The following PIK3R3 variants were observed in gnomAD, a reference collection of about 807,000 sequenced individuals.
PIK3R3 encodes phosphoinositide-3-kinase regulatory subunit 3, also known as phosphatidylinositol 3-kinase regulatory subunit gamma.
In PIK3R3, 64 loss-of-function variants were observed where a neutral mutation model predicts 62.9. The ratio of observed to expected loss-of-function variants is 1.02; its 90% CI spans 0.83 to 1.25. The LOEUF (loss-of-function observed/expected upper bound fraction) is 1.25. Among genes scored for constraint, PIK3R3 ranks in the 50% most tolerant of loss-of-function variants. The pLI, the probability that PIK3R3 is intolerant of heterozygous loss-of-function variation, is 0.00. For synonymous variants in PIK3R3, 165 were observed against 189.0 expected, an observed-to-expected ratio of 0.87 and a Z score of 1.04; for missense variants, 614 against 561.6, an observed-to-expected ratio of 1.09 and a Z score of -0.94.
At position 46,046,654 on chromosome 1, in the gene PIK3R3, A is replaced by T. The variant is rs557305913; in HGVS notation, c.942-29T>A. 3 of 1,515,670 alleles carry T rather than the reference A, an allele frequency of 2.0e-6. No homozygotes were observed. The East Asian group carries it at 6.8e-5, about 34-fold the overall frequency. 93.9% of individuals were successfully genotyped at this position (1,515,670 alleles called of 1,614,324 possible). A position where few individuals can be genotyped will look rare whatever the true frequency, so the allele number is the denominator to read the frequency against. On this transcript the variant is annotated intron_variant, in intron 7 of 9. Transcript: ENST00000262741. ...CCAGAGGAAAGACACCAGTGTCAGT[A>T]TCCATGCAAACTCTGACTGGACAAA...
intron 2 of PIK3R3, among the ~76,000 whole-genome samples, chr1:46,080,222 C>G (rs1334500225): frequency 2.0e-5 from 3 of 151,604 alleles, no homozygotes; most frequent in Non-Finnish European, 4.4e-5. Flanking sequence ...CCAACATGCC[C>G]AGCTAATTTT....
intron 3 of PIK3R3, among the ~76,000 whole-genome samples, chr1:46,071,712 A>AAAAAAAAAAAAAAAAT (rs1472807815): frequency 1.6e-4 from 4 of 24,654 alleles, no homozygotes; most frequent in Non-Finnish European, 2.3e-4. Context: ...AAAAAAAAAA[A>AAAAAAAAAAAAAAAAT]ATATATATAT....
Position 46,066,068 on chromosome 1 carries a change from T to G in PIK3R3, c.607A>C (p.Thr203Pro), listed in dbSNP as rs780398048. The G allele has an allele frequency of 6.2e-7, 1 of 1,609,154 alleles. No homozygotes were observed. The highest frequency in any genetic ancestry group is 8.5e-7 in the Non-Finnish European group (1 of 1,175,938). The change falls in exon 5 of 10, where the codon ACT becomes CCT. Residue 203 changes from threonine (T) to proline (P), a missense_variant. Coordinates refer to ENST00000262741, the MANE Select transcript of PIK3R3 (RefSeq NM_003629.4). ...KEYDRLYEEY[T>P]RTSQEIQMKR... ...AATATACCAACCTGGGATGTTCTAGTATATTCTTCATACAGCCTATCATAC... is the reference window on the plus strand; with the variant it reads ...AATATACCAACCTGGGATGTTCTAGGATATTCTTCATACAGCCTATCATAC...
At chr1:46,109,318 A>C (rs1653516042) in intron 1 of PIK3R3, among the ~76,000 whole-genome samples, 1 of 152,158 alleles carries the variant, frequency 6.6e-6, no homozygotes, top group Non-Finnish European at 1.5e-5. Context: ...CTTCTACCCT[A>C]ATCACTACAT....
At chr1:46,066,606 G>A (rs1649012810) in intron 4 of PIK3R3, among the ~76,000 whole-genome samples, 1 of 152,064 alleles carries the variant, frequency 6.6e-6, no homozygotes, top group Non-Finnish European at 1.5e-5. Context: ...GACTGCTTGA[G>A]CCCAGGAGTT....
intron 1 of PIK3R3, among the ~76,000 whole-genome samples, chr1:46,130,653 T>C (rs1378391496): frequency 6.6e-6 from 1 of 152,156 alleles, no homozygotes; most frequent in Non-Finnish European, 1.5e-5. Context: ...TTCTTCACAC[T>C]TGCATGGCTC....
At chr1:46,072,751 AC>A (rs1342580045) in intron 3 of PIK3R3, among the ~76,000 whole-genome samples, 2 of 152,000 alleles carry the variant, frequency 1.3e-5, no homozygotes, top group African/African-American at 4.8e-5. Flanking sequence ...TTAGCGTGAG[AC>A]CAGCCTGGGC....
At chr1:46,144,485 C>T in the PIK3R3 span, among the ~76,000 whole-genome samples, 1 of 152,224 alleles carries the variant, frequency 6.6e-6, no homozygotes, top group East Asian at 1.9e-4. Flanking sequence ...ATACTCAATC[C>T]TCGGCCAGGT....
chr1:46,135,721 A>G (rs1331931795), upstream of PIK3R3, among the ~76,000 whole-genome samples: 1 of 152,176 alleles, frequency 6.6e-6, no homozygotes, highest in African/African-American at 2.4e-5. Context: ...CTGAGCGCAC[A>G]ATATTTTTTT....
At chr1:46,171,676 G>A in the PIK3R3 span, among the ~76,000 whole-genome samples, 1 of 152,090 alleles carries the variant, frequency 6.6e-6, no homozygotes, top group East Asian at 1.9e-4. Context: ...CTGTGTTCCT[G>A]TGCCTGAGTC....
At chr1:46,158,826 G>A in the PIK3R3 span, among the ~76,000 whole-genome samples, 1 of 152,192 alleles carries the variant, frequency 6.6e-6, no homozygotes. Flanking sequence ...AGTGGCTAAC[G>A]CCTGTAATCC....
intron 1 of PIK3R3, among the ~76,000 whole-genome samples, chr1:46,086,277 G>A (rs1041470056): frequency 6.6e-6 from 1 of 152,136 alleles, no homozygotes; most frequent in Non-Finnish European, 1.5e-5. Context: ...TATTGTATAT[G>A]TTTTCTTTAT....
rs1446398911 is a variant in PIK3R3 at position 46,132,314 on chromosome 1, C to G, written c.-362G>C. 29 of 1,117,028 alleles carry G rather than the reference C, an allele frequency of 2.6e-5. No individual in the cohort carries two copies. The highest frequency in any genetic ancestry group is 3.2e-5 in the Non-Finnish European group (29 of 907,474). 69.2% of individuals were successfully genotyped at this position (1,117,028 alleles called of 1,614,324 possible). On this transcript the variant is annotated 5_prime_UTR_variant, in exon 1 of 10. Transcript: ENST00000262741. ...CCTCCAAATCTTTCCGCGGAAGCCACTTTTGTGTCCTTCGAAGGAGGGAGA... is the reference window on the plus strand; with the variant it reads ...CCTCCAAATCTTTCCGCGGAAGCCAGTTTTGTGTCCTTCGAAGGAGGGAGA...
chr1:46,051,760 ACAAC>A lies in PIK3R3; in HGVS notation c.941+4031_941+4034del, dbSNP rs1342086232. ...CTTATCCATGGGGAATAGTTCCAAGACAACCAAATAGATGCCTGAAAGCAGACAG... is the reference window on the plus strand; with the variant it reads ...CTTATCCATGGGGAATAGTTCCAAGACAAATAGATGCCTGAAAGCAGACAG... On this transcript the variant is annotated intron_variant, in intron 7 of 9. Transcript: ENST00000262741. Among the ~76,000 whole-genome samples, 3 of 152,314 alleles carry A rather than the reference ACAAC, an allele frequency of 2.0e-5. No individual in the cohort carries two copies. In the East Asian group the frequency reaches 5.8e-4, roughly 29 times the overall value.
At position 46,115,610 on chromosome 1, in the gene PIK3R3, T is replaced by C. The variant is rs148204443; in HGVS notation, c.106+16237A>G. Among the ~76,000 whole-genome samples, 17 of 152,332 alleles carry C rather than the reference T, an allele frequency of 1.1e-4. No individual in the cohort carries two copies. The East Asian group carries it at 1.7e-3, about 16-fold the overall frequency. On this transcript the variant is annotated intron_variant, in intron 1 of 9. Coordinates refer to ENST00000262741, the MANE Select transcript of PIK3R3 (RefSeq NM_003629.4). ...TAGGAACCAGTCCCAGTTAGAGAGATATGATAGCAGCTCTTATATAGTTTA... is the reference window on the plus strand; with the variant it reads ...TAGGAACCAGTCCCAGTTAGAGAGACATGATAGCAGCTCTTATATAGTTTA...
At chr1:46,151,844 G>A in the PIK3R3 span, among the ~76,000 whole-genome samples, 1 of 152,140 alleles carries the variant, frequency 6.6e-6, no homozygotes, top group South Asian at 2.1e-4. Context: ...AGTCCTTGCT[G>A]GGTATCTACA....
chr1:46,090,340 A>T lies in PIK3R3; in HGVS notation c.107-9590T>A, dbSNP rs977281407. Among the ~76,000 whole-genome samples, 175 of 150,804 alleles carry T rather than the reference A, an allele frequency of 1.2e-3. 1 individual carries two copies. The highest frequency in any genetic ancestry group is 3.4e-3 in the Middle Eastern group (1 of 292). On this transcript the variant is annotated intron_variant, in intron 1 of 9. Transcript: ENST00000262741. Reference sequence around the variant, plus strand: ...TATTTATTTATTTATTTATTTATTTATTTATTTTTTTGAGACAGTCTCCCT... The same window carrying T: ...TATTTATTTATTTATTTATTTATTTTTTTATTTTTTTGAGACAGTCTCCCT...
the PIK3R3 span, among the ~76,000 whole-genome samples, chr1:46,172,524 CA>C: frequency 6.6e-6 from 1 of 151,592 alleles, no homozygotes; most frequent in South Asian, 2.1e-4. Context: ...CCTGTTTCTA[CA>C]AAAAAAATGT....
At position 46,043,951 on chromosome 1, in the gene PIK3R3, G is replaced by A. The variant is rs1647046828; in HGVS notation, c.1188-80C>T. ...ACACTAAATGGCCAGAAGTCTGAGAGCAATTGTTATGCAAACAAGTGTTTT... is the reference window on the plus strand; with the variant it reads ...ACACTAAATGGCCAGAAGTCTGAGAACAATTGTTATGCAAACAAGTGTTTT... On this transcript the variant is annotated intron_variant, in intron 9 of 9. Coordinates refer to ENST00000262741, the MANE Select transcript of PIK3R3 (RefSeq NM_003629.4). 3.3e-6 allele frequency: 4 copies of A among 1,209,846 alleles called. No individual in the cohort carries two copies. In the South Asian group the frequency reaches 5.6e-5, roughly 17 times the overall value. The allele number at this position is 1,209,846 out of a possible 1,614,324, so 74.9% of individuals were successfully genotyped here. A position where few individuals can be genotyped will look rare whatever the true frequency, so the allele number is the denominator to read the frequency against.
Sources: allele counts gnomAD v4.1 joint callset (sites outside exome capture counted in the v4.1 genomes callset), GRCh38; gene constraint gnomAD v4.1.1; transcripts MANE v1.5; gene names NCBI Gene and HGNC (gene_info 2026-07-23, HGNC 2026-07-21).